The following MTCL1 variants were observed in gnomAD, a reference collection of about 807,000 sequenced individuals.
MTCL1 encodes microtubule crosslinking factor 1, also known as microtubule cross-linking factor 1.
MTCL1 carries 79 observed loss-of-function variants against 141.4 expected under a neutral mutation model. The observed-to-expected ratio is 0.56, with a 90% CI of 0.47 to 0.67. MTCL1 has a LOEUF of 0.67. Among genes scored for constraint, MTCL1 ranks in the 30% least tolerant of loss-of-function variants. MTCL1 has a pLI of 0.00. For synonymous variants in MTCL1, 914 were observed against 875.8 expected (o/e 1.04, Z -0.77); for missense variants, 2,177 against 2,113.9 (o/e 1.03, Z -0.59).
intron 4 of MTCL1, among the ~76,000 whole-genome samples, chr18:8,734,167 A>G (rs762894738): frequency 4.6e-5 from 7 of 151,890 alleles, no homozygotes; most frequent in Admixed American, 1.3e-4. Flanking sequence ...CAGGATGCTT[A>G]ACGGTGTTCC....
chr18:8,807,124 G>C (rs867124530), intron 11 of MTCL1, 64 bp downstream of exon 10: 5 of 1,492,142 alleles, frequency 3.4e-6, no homozygotes, highest in Middle Eastern at 2.2e-4. Flanking sequence ...GATATGTGGC[G>C]GGGGAGCGGG....
chr18:8,816,593 G>A (rs1336976853), intron 12 of MTCL1, among the ~76,000 whole-genome samples: 1 of 152,162 alleles, frequency 6.6e-6, no homozygotes, highest in Non-Finnish European at 1.5e-5. Flanking sequence ...TGCAGATGAT[G>A]TAAAACTTGC....
chr18:8,783,569 A>C lies in MTCL1; in HGVS notation c.457A>C (p.Lys153Gln). Residue 153 changes from lysine (K) to glutamine (Q), a missense_variant, in exon 6 of 17, where the codon AAA (lysine) becomes CAA (glutamine). Lys to Gln is a moderately conservative substitution (Grantham distance 53). Transcript: ENST00000359865. ...TTTGAGGTGCCAGCTCCAGTTTGCC[A>C]AAGAGGAAGCCTTCCTGATGCGCAA... 6.2e-7 allele frequency: 1 copy of C among 1,610,014 alleles called. No individual in the cohort carries two copies. Among genetic ancestry groups the C allele is most frequent in the Non-Finnish European group, 8.5e-7 (1 of 1,176,754 alleles).
chr18:8,730,085 A>T (rs2096242523), intron 4 of MTCL1, among the ~76,000 whole-genome samples: 1 of 152,126 alleles, frequency 6.6e-6, no homozygotes, highest in Non-Finnish European at 1.5e-5. Context: ...TTACTTTTGC[A>T]TTGTTGTCAA....
chr18:8,745,388 G>A (rs954422072), intron 4 of MTCL1, among the ~76,000 whole-genome samples: 6 of 152,256 alleles, frequency 3.9e-5, no homozygotes, highest in Non-Finnish European at 5.9e-5. Flanking sequence ...AGACGGAGTC[G>A]CACTGTAGCC....
Position 8,818,945 on chromosome 18 carries a change from AT to A in MTCL1, c.2860-13del, listed in dbSNP as rs1477351561. On this transcript the variant is annotated splice_polypyrimidine_tract_variant and intron_variant, in intron 12 of 16. Coordinates refer to ENST00000359865, the Ensembl canonical transcript of MTCL1. Reference sequence around the variant, plus strand: ...CAGAAAAGTGAGGCTAATTATTTTCATTTTTAAAATTCTCAAGTTGCAGAAA... The same window carrying A: ...CAGAAAAGTGAGGCTAATTATTTTCATTTTAAAATTCTCAAGTTGCAGAAA... 1 of 1,594,442 alleles carries A rather than the reference AT, an allele frequency of 6.3e-7. No homozygotes were observed. Among genetic ancestry groups the A allele is most frequent in the Non-Finnish European group, 8.6e-7 (1 of 1,167,850 alleles).
exon 15 of MTCL1, chr18:8,825,328 G>C: frequency 6.5e-7 from 1 of 1,538,868 alleles, no homozygotes. Context: ...CCACTGCACA[G>C]CCTGGAGATG....
chr18:8,731,933 T>A (rs900453709), intron 4 of MTCL1, among the ~76,000 whole-genome samples: 2 of 152,108 alleles, frequency 1.3e-5, no homozygotes, highest in Non-Finnish European at 2.9e-5. Context: ...GGTCTTGAAC[T>A]CCTAACCTCA....
Position 8,830,270 on chromosome 18 carries a change from A to C in MTCL1, c.*18+1306A>C. On this transcript the variant is annotated intron_variant, in intron 16 of 16. Transcript: ENST00000359865. The surrounding 1 kb of genome is among the most constrained non-coding windows in gnomAD (Gnocchi z 6.4). ...CTGGTTGTCACGGTACTGTTAGCAT[A>C]ATGCTTTGGGAACAGAAGCTTCTCC... 1.9e-5 allele frequency: 19 copies of C among 985,492 alleles called. No individual in the cohort carries two copies. Among genetic ancestry groups the C allele is most frequent in the Non-Finnish European group, 2.3e-5 (19 of 830,002 alleles). The allele number at this position is 985,492 out of a possible 1,614,324, so 61.0% of individuals were successfully genotyped here. A position where few individuals can be genotyped will look rare whatever the true frequency, so the allele number is the denominator to read the frequency against.
At chr18:8,821,560 T>C in intron 14 of MTCL1, 62 bp downstream of exon 13, 2 of 960,810 alleles carry the variant, frequency 2.1e-6, no homozygotes, top group Non-Finnish European at 3.1e-6. Context: ...CTTAAAATGT[T>C]GTTTTGTCAA....
intron 10 of MTCL1, among the ~76,000 whole-genome samples, chr18:8,802,933 T>C (rs9807419): frequency 0.015 from 2,216 of 152,290 alleles, 63 homozygotes; most frequent in African/African-American, 0.05. Context: ...AAGACTTGCA[T>C]CATAAAGACA....
At chr18:8,756,333 A>ATG (rs1347828961) in intron 4 of MTCL1, among the ~76,000 whole-genome samples, 10 of 150,672 alleles carry the variant, frequency 6.6e-5, no homozygotes, top group Admixed American at 4.6e-4. Context: ...GTGTATATAT[A>ATG]TGTGTGTGTA....
intron 11 of MTCL1, among the ~76,000 whole-genome samples, chr18:8,808,735 T>G (rs2144152350): frequency 6.6e-6 from 1 of 152,370 alleles, no homozygotes; most frequent in East Asian, 1.9e-4. Flanking sequence ...CCACGATTCC[T>G]TCAGCAGACT....
At chr18:8,764,256 G>GT (rs747614025) in intron 4 of MTCL1, among the ~76,000 whole-genome samples, 1 of 151,836 alleles carries the variant, frequency 6.6e-6, no homozygotes, top group African/African-American at 2.4e-5. Context: ...GTTATCACTT[G>GT]TTAAGCAAAT....
intron 1 of MTCL1, among the ~76,000 whole-genome samples, chr18:8,711,393 G>C (rs1351929495): frequency 6.7e-6 from 1 of 149,152 alleles, no homozygotes; most frequent in Non-Finnish European, 1.5e-5. Context: ...CTAGTCCTTT[G>C]GGTATATACC....
At chr18:8,804,986 CA>C (rs11347124) in intron 10 of MTCL1, among the ~76,000 whole-genome samples, 65,470 of 115,512 alleles carry the variant, frequency 0.57, 17,884 homozygotes, top group Admixed American at 0.69. Flanking sequence ...GACCTTGCCT[CA>C]AAAAAAAAAA....
intron 4 of MTCL1, among the ~76,000 whole-genome samples, chr18:8,726,286 C>CTTTTTTTTTTTTTTTTTTTTTTTTTT (rs77665680): frequency 9.8e-6 from 1 of 102,260 alleles, no homozygotes; most frequent in East Asian, 2.7e-4. Context: ...TTCTTTTTTT[C>CTTTTTTTTTTTTTTTTTTTTTTTTTT]TTTTTTTTTT....
intron 4 of MTCL1, among the ~76,000 whole-genome samples, chr18:8,767,223 G>T (rs967365624): frequency 7.2e-5 from 11 of 152,244 alleles, no homozygotes; most frequent in African/African-American, 2.4e-4. Flanking sequence ...AGCTGCCAGT[G>T]CTTGGAGATG....
chr18:8,773,839 C>T (rs2096494418), intron 4 of MTCL1, among the ~76,000 whole-genome samples: 1 of 152,108 alleles, frequency 6.6e-6, no homozygotes, highest in Non-Finnish European at 1.5e-5. Context: ...CTCATATATT[C>T]TTTATTTCTG....
Sources: gnomAD v4.1 joint callset for allele counts (sites outside exome capture counted in the v4.1 genomes callset) on GRCh38, gnomAD v4.1.1 for gene constraint, Gnocchi (gnomAD v3.1) non-coding constraint, MANE v1.5 for transcripts, NCBI Gene and HGNC (gene_info 2026-07-23, HGNC 2026-07-21) for gene names.